PTPRD: variants seen among roughly 807,000 people sequenced by gnomAD.
PTPRD encodes receptor-type tyrosine-protein phosphatase delta.
A neutral mutation model predicts 214.5 loss-of-function variants in PTPRD; 34 were observed. The ratio of observed to expected loss-of-function variants is 0.16; its 90% CI spans 0.12 to 0.21. The LOEUF (loss-of-function observed/expected upper bound fraction) is 0.21, where lower values mean the gene tolerates loss of function less well. PTPRD is among the 10% of genes least tolerant of loss of function. The probability of loss-of-function intolerance (pLI) is 1.00; values close to 1 mark genes in which losing one functional copy is unlikely to be tolerated. For missense variants in PTPRD, 2,545 were observed against 2,398.7 expected (o/e 1.06, Z -1.27); for synonymous variants, 1,128 against 845.7 (o/e 1.33, Z -5.79).
At chr9:9,138,951 A>G (rs913834574) in intron 10 of PTPRD, among the ~76,000 whole-genome samples, 2 of 152,194 alleles carry the variant, frequency 1.3e-5, no homozygotes, top group African/African-American at 2.4e-5. Context: ...CATAATAACA[A>G]TAATAGTTAC....
intron 7 of PTPRD, among the ~76,000 whole-genome samples, chr9:9,689,623 C>T (rs1014751786): frequency 4.0e-5 from 6 of 151,688 alleles, no homozygotes; most frequent in African/African-American, 4.8e-5. Flanking sequence ...TATTAAGGAA[C>T]CTCTGTTTAT....
chr9:9,553,400 G>A (rs1383610219), intron 8 of PTPRD, among the ~76,000 whole-genome samples: 3 of 151,944 alleles, frequency 2.0e-5, no homozygotes, highest in East Asian at 1.9e-4. Context: ...TTAATCTCCA[G>A]AAATACCCTT....
At chr9:8,632,491 T>C (rs770981589) in intron 14 of PTPRD, among the ~76,000 whole-genome samples, 1 of 151,796 alleles carries the variant, frequency 6.6e-6, no homozygotes, top group Non-Finnish European at 1.5e-5. Context: ...ACAAAACAAA[T>C]GAGTTGTGTG....
rs1287277000 is a variant in PTPRD at position 8,315,402 on chromosome 9, A to G, written c.*2472T>C. On this transcript the variant is annotated 3_prime_UTR_variant, in exon 46 of 46. Coordinates refer to ENST00000381196, the MANE Select transcript of PTPRD (RefSeq NM_002839.4). ...GGTGTGCAGTGCTCCATCGGATTCTACATGTCCAACAAGGCATGTCTGGAT... is the reference window on the plus strand; with the variant it reads ...GGTGTGCAGTGCTCCATCGGATTCTGCATGTCCAACAAGGCATGTCTGGAT... 3 of 232,576 alleles carry G rather than the reference A, an allele frequency of 1.3e-5. No homozygotes were observed. The highest frequency in any genetic ancestry group is 2.6e-5 in the Non-Finnish European group (3 of 117,360). The allele number at this position is 232,576 out of a possible 1,614,324, so 14.4% of individuals were successfully genotyped here.
At chr9:10,282,669 C>T (rs1487669155) in intron 3 of PTPRD, among the ~76,000 whole-genome samples, 1 of 152,138 alleles carries the variant, frequency 6.6e-6, no homozygotes, top group Non-Finnish European at 1.5e-5. Flanking sequence ...ACTCACATCC[C>T]CCAACTTACA....
chr9:8,628,329 T>C (rs530964650), intron 14 of PTPRD, among the ~76,000 whole-genome samples: 1 of 151,980 alleles, frequency 6.6e-6, no homozygotes, highest in Admixed American at 6.6e-5. Context: ...ATTGTAAAAG[T>C]TGTATGTTTT....
At chr9:10,236,368 A>G (rs1386419656) in intron 3 of PTPRD, among the ~76,000 whole-genome samples, 1 of 151,988 alleles carries the variant, frequency 6.6e-6, no homozygotes, top group African/African-American at 2.4e-5. Context: ...AAAGGCTCCT[A>G]TCTTGACAGT....
intron 2 of PTPRD, among the ~76,000 whole-genome samples, chr9:10,350,230 AT>A (rs1380811228): frequency 6.6e-6 from 1 of 152,180 alleles, no homozygotes; most frequent in Non-Finnish European, 1.5e-5. Context: ...TGTTTCAGGC[AT>A]TAATTAGCAA....
intron 3 of PTPRD, among the ~76,000 whole-genome samples, chr9:10,326,575 T>A (rs1247963639): frequency 1.3e-5 from 2 of 151,650 alleles, no homozygotes; most frequent in African/African-American, 4.8e-5. Context: ...TTTTTTACTT[T>A]CAAATTGCTT....
chr9:9,292,184 T>C (rs1005362536), intron 9 of PTPRD, among the ~76,000 whole-genome samples: 7 of 13,136 alleles, frequency 5.3e-4, no homozygotes, highest in African/African-American at 9.8e-4. Flanking sequence ...AATGAACACT[T>C]TTTTTTTTCT....
intron 2 of PTPRD, among the ~76,000 whole-genome samples, chr9:10,486,873 G>A (rs1044757867): frequency 3.3e-5 from 5 of 152,080 alleles, no homozygotes; most frequent in African/African-American, 1.2e-4. Context: ...TTTCTTTCTA[G>A]AAGATCTGTC....
chr9:10,355,629 C>T (rs184576902), intron 2 of PTPRD, among the ~76,000 whole-genome samples: 3 of 152,100 alleles, frequency 2.0e-5, no homozygotes, highest in East Asian at 3.9e-4. Context: ...CAGGCATGCA[C>T]GACCATGTCC....
At chr9:9,753,589 T>G (rs541583692) in intron 6 of PTPRD, among the ~76,000 whole-genome samples, 5 of 152,154 alleles carry the variant, frequency 3.3e-5, no homozygotes, top group Non-Finnish European at 7.4e-5. Flanking sequence ...AAATCAACAG[T>G]CTGCCAGAGT....
In PTPRD at chr9:10,344,495, AT is replaced by A. The variant is rs2097025158; in HGVS notation, c.-599-3479del. The stretch of plus-strand genomic sequence containing the variant: ...CCAGCTTTGTTTCTTTTTGCTTAGG[AT>A]TGTCTTGGCAATGTAGGCTCTTTTT... On this transcript the variant is annotated intron_variant, in intron 2 of 45. Coordinates refer to ENST00000381196, the MANE Select transcript of PTPRD (RefSeq NM_002839.4). Among the ~76,000 whole-genome samples the A allele has an allele frequency of 2.0e-5, 3 of 152,104 alleles. No individual in the cohort carries two copies. In the South Asian group the frequency reaches 6.2e-4, roughly 32 times the overall value.
At chr9:9,787,381 A>G (rs1485471384) in intron 5 of PTPRD, among the ~76,000 whole-genome samples, 2 of 151,298 alleles carry the variant, frequency 1.3e-5, no homozygotes, top group African/African-American at 4.9e-5. Context: ...GCATTGACAA[A>G]TATGTATCAA....
At chr9:9,889,980 A>G (rs1440839663) in intron 5 of PTPRD, among the ~76,000 whole-genome samples, 1 of 152,046 alleles carries the variant, frequency 6.6e-6, no homozygotes, top group African/African-American at 2.4e-5. Context: ...AGGGCAGTTC[A>G]GCAAACTTCT....
chr9:8,708,905 T>C (rs574457348), intron 12 of PTPRD, among the ~76,000 whole-genome samples: 170 of 152,078 alleles, frequency 1.1e-3, no homozygotes, highest in Non-Finnish European at 2.2e-3. Flanking sequence ...AGTGAAATCC[T>C]ACTCAGCCTT....
chr9:9,503,285 T>C (rs1015647956), intron 8 of PTPRD, among the ~76,000 whole-genome samples: 1 of 12,698 alleles, frequency 7.9e-5, no homozygotes, highest in African/African-American at 2.7e-3. Flanking sequence ...CAAAAAAAGT[T>C]TTTTTTTTTT....
intron 3 of PTPRD, among the ~76,000 whole-genome samples, chr9:10,156,720 A>G (rs1193380106): frequency 6.6e-6 from 1 of 152,142 alleles, no homozygotes; most frequent in East Asian, 1.9e-4. Context: ...TCTGTCTAAT[A>G]CTGTCAGTGG....
Sources: allele counts gnomAD v4.1 joint callset (sites outside exome capture counted in the v4.1 genomes callset), GRCh38; gene constraint gnomAD v4.1.1; transcripts MANE v1.5; gene names NCBI Gene and HGNC (gene_info 2026-07-23, HGNC 2026-07-21).